RANBP2: variants seen among roughly 807,000 people sequenced by gnomAD.
RANBP2 encodes the protein E3 SUMO-protein ligase RanBP2.
RANBP2 carries 57 observed loss-of-function variants against 303.6 expected under a neutral mutation model. The ratio of observed to expected loss-of-function variants is 0.19; its 90% CI spans 0.15 to 0.23. The LOEUF (loss-of-function observed/expected upper bound fraction) is 0.23. Ranked by LOEUF, RANBP2 falls within the 10% of genes least tolerant of loss-of-function variation. The probability of loss-of-function intolerance (pLI) is 1.00; values close to 1 mark genes in which losing one functional copy is unlikely to be tolerated. For missense variants in RANBP2, 3,138 were observed against 3,780.8 expected (o/e 0.83, Z 4.46); for synonymous variants, 1,167 against 1,301.5 (o/e 0.90, Z 2.23).
chr2:108,740,613 C>G lies in RANBP2; in HGVS notation c.907C>G (p.His303Asp). 5.0e-6 allele frequency: 8 copies of G among 1,597,528 alleles called. No homozygotes were observed. Among genetic ancestry groups the G allele is most frequent in the Non-Finnish European group, 6.8e-6 (8 of 1,179,786 alleles). ...TTCTCTGCTTTTGAAGATGGGTCAG[C>G]ATAGTAGTAATGTTCAATGGCGAGC... ...AGSLLLKMGQ[H>D]SSNVQWRALS... The change falls in exon 7 of 29, where the codon CAT becomes GAT. Residue 303 changes from histidine to aspartate, a missense_variant. Physicochemically the swap from His to Asp is moderately conservative, Grantham distance 81. Around this residue, in one of 20 missense-constraint regions of RANBP2, gnomAD observed 306 missense variants for 381.9 expected, o/e 0.80. Coordinates refer to ENST00000283195, the MANE Select transcript of RANBP2 (RefSeq NM_006267.5).
the RANBP2 span, among the ~76,000 whole-genome samples, chr2:109,309,629 T>C: frequency 2.0e-5 from 2 of 98,346 alleles, 1 homozygote; most frequent in East Asian, 5.2e-4. Context: ...GAGACACACA[T>C]AGGCTGAAAA....
the RANBP2 span, chr2:109,593,028 AT>A: frequency 3.3e-6 from 5 of 1,498,904 alleles, no homozygotes; most frequent in South Asian, 6.8e-5. Flanking sequence ...ACAATATGGT[AT>A]CTATTTAAAA....
At chr2:109,114,244 G>A in the RANBP2 span, among the ~76,000 whole-genome samples, 9 of 151,060 alleles carry the variant, frequency 6.0e-5, no homozygotes, top group African/African-American at 1.2e-4. Context: ...GATAGAATTC[G>A]GTGAATCCAT....
chr2:108,921,970 G>A, the RANBP2 span, among the ~76,000 whole-genome samples: 1 of 152,250 alleles, frequency 6.6e-6, no homozygotes, highest in African/African-American at 2.4e-5. Flanking sequence ...AAGGGCTGGG[G>A]GTGGGAGTGG....
the RANBP2 span, among the ~76,000 whole-genome samples, chr2:108,842,959 A>C: frequency 6.7e-6 from 1 of 149,840 alleles, no homozygotes; most frequent in South Asian, 2.1e-4. Context: ...GCTTAGAACC[A>C]CATTAGAGAA....
chr2:108,791,870 C>T, the RANBP2 span: 1 of 1,441,120 alleles, frequency 6.9e-7, no homozygotes, highest in Non-Finnish European at 9.3e-7. Flanking sequence ...TGAAGCTTCC[C>T]TCCTAGTAAT....
the RANBP2 span, chr2:108,910,923 G>C: frequency 1.9e-6 from 3 of 1,614,096 alleles, no homozygotes; most frequent in Non-Finnish European, 2.5e-6. Context: ...AGGAAGCAGG[G>C]CACCGGCGCA....
the RANBP2 span, among the ~76,000 whole-genome samples, chr2:109,722,024 T>C: frequency 3.4e-4 from 51 of 152,216 alleles, no homozygotes; most frequent in Admixed American, 1.8e-3. Context: ...CAAAGTCAAA[T>C]AGCCTACAGA....
chr2:109,642,060 T>C, the RANBP2 span, among the ~76,000 whole-genome samples: 3 of 152,068 alleles, frequency 2.0e-5, no homozygotes, highest in Non-Finnish European at 4.4e-5. Flanking sequence ...CACCTTGGCC[T>C]CCCAAAGTGC....
chr2:109,540,993 T>A, the RANBP2 span, among the ~76,000 whole-genome samples: 3 of 152,246 alleles, frequency 2.0e-5, no homozygotes, highest in East Asian at 3.8e-4. Flanking sequence ...ACTGATACAT[T>A]TGGGTCTAAA....
At chr2:108,908,070 C>T in the RANBP2 span, 7 of 1,547,004 alleles carry the variant, frequency 4.5e-6, no homozygotes, top group African/African-American at 9.5e-5. Flanking sequence ...GGGCTGCAGC[C>T]CTGACAAGTT....
At chr2:109,263,346 T>G in the RANBP2 span, among the ~76,000 whole-genome samples, 164 of 152,378 alleles carry the variant, frequency 1.1e-3, no homozygotes, top group Non-Finnish European at 2.0e-3. Flanking sequence ...GCATCAGATT[T>G]TCTCAGTTTT....
chr2:109,434,684 G>A, the RANBP2 span, among the ~76,000 whole-genome samples: 1 of 152,186 alleles, frequency 6.6e-6, no homozygotes, highest in African/African-American at 2.4e-5. Flanking sequence ...TAGTCGGGAT[G>A]GACAGCTCTG....
intron 17 of RANBP2, among the ~76,000 whole-genome samples, chr2:108,756,590 A>G (rs1649334): frequency 0.99 from 150,831 of 152,308 alleles, 74,705 homozygotes; most frequent in South Asian, 1. Context: ...CTGTGTAGTC[A>G]TGGCCTATGA....
the RANBP2 span, among the ~76,000 whole-genome samples, chr2:109,416,922 A>G: frequency 6.6e-6 from 1 of 151,444 alleles, no homozygotes; most frequent in Admixed American, 6.6e-5. Context: ...AAAAAAAAAA[A>G]AAGAATTGTA....
chr2:109,062,913 C>A, the RANBP2 span, among the ~76,000 whole-genome samples: 1 of 152,070 alleles, frequency 6.6e-6, no homozygotes, highest in Non-Finnish European at 1.5e-5. Flanking sequence ...AGGGCGACCA[C>A]CTGTGCAGAC....
At chr2:109,353,548 G>A in the RANBP2 span, among the ~76,000 whole-genome samples, 1 of 152,198 alleles carries the variant, frequency 6.6e-6, no homozygotes, top group East Asian at 1.9e-4. Context: ...GACGTGGAGG[G>A]AAGCCCTAAC....
the RANBP2 span, among the ~76,000 whole-genome samples, chr2:109,575,552 A>G: frequency 9.2e-5 from 14 of 152,372 alleles, no homozygotes; most frequent in African/African-American, 3.1e-4. Context: ...ATCAAATCAC[A>G]GTGCATGTGC....
At chr2:109,530,475 A>G in the RANBP2 span, among the ~76,000 whole-genome samples, 1 of 152,356 alleles carries the variant, frequency 6.6e-6, no homozygotes, top group African/African-American at 2.4e-5. Flanking sequence ...GCTCAGAACA[A>G]TAAAATAGTG....
Sources: gnomAD v4.1 joint callset for allele counts (sites outside exome capture counted in the v4.1 genomes callset) on GRCh38, gnomAD v4.1.1 for gene constraint, gnomAD v4.1.1 regional missense constraint, MANE v1.5 for transcripts, NCBI Gene and HGNC (gene_info 2026-07-23, HGNC 2026-07-21) for gene names.